Variants in KIF13A observed in about 807,000 individuals in gnomAD.
The protein encoded by KIF13A is kinesin family member 13A.
In KIF13A, 79 loss-of-function variants were observed where a neutral mutation model predicts 212.2. That is an observed-to-expected ratio of 0.37 (90% CI 0.31 to 0.45). The LOEUF (loss-of-function observed/expected upper bound fraction) is 0.45. Among genes scored for constraint, KIF13A ranks in the 20% least tolerant of loss-of-function variants. KIF13A has a pLI of 1.00. For missense variants in KIF13A, 1,901 were observed against 2,209.0 expected (o/e 0.86, Z 2.79); for synonymous variants, 789 against 808.6 (o/e 0.98, Z 0.41).
intron 2 of KIF13A, among the ~76,000 whole-genome samples, chr6:17,973,848 T>C (rs765184657): frequency 8.5e-5 from 13 of 152,114 alleles, no homozygotes; most frequent in African/African-American, 1.4e-4. Flanking sequence ...AATTGTCACA[T>C]CATTACAGGA....
intron 9 of KIF13A, among the ~76,000 whole-genome samples, chr6:17,841,857 A>AG (rs1766537663): frequency 6.6e-6 from 1 of 152,116 alleles, no homozygotes; most frequent in South Asian, 2.1e-4. Flanking sequence ...GCAATGATGC[A>AG]GGGGCTTCTG....
intron 2 of KIF13A, among the ~76,000 whole-genome samples, chr6:17,920,039 G>A (rs1290550769): frequency 6.6e-6 from 1 of 152,166 alleles, no homozygotes; most frequent in Non-Finnish European, 1.5e-5. Context: ...CAATGATTTA[G>A]GATTAAGCTT....
chr6:17,833,908 A>C, intron 12 of KIF13A, 53 bp downstream of exon 12: 1 of 958,100 alleles, frequency 1.0e-6, no homozygotes, highest in Non-Finnish European at 1.5e-6. Context: ...TACACAGAAA[A>C]GACAATAAGT....
intron 4 of KIF13A, among the ~76,000 whole-genome samples, chr6:17,865,118 G>A (rs911128805): frequency 6.6e-6 from 1 of 152,112 alleles, no homozygotes; most frequent in African/African-American, 2.4e-5. Flanking sequence ...AGACACCTAT[G>A]GCCCATGGCT....
At chr6:17,807,804 C>T (rs774580073) in intron 18 of KIF13A, among the ~76,000 whole-genome samples, 7 of 152,184 alleles carry the variant, frequency 4.6e-5, no homozygotes, top group Admixed American at 1.3e-4. Context: ...TCACCCCCGG[C>T]GGCCCAGCTG....
intron 2 of KIF13A, among the ~76,000 whole-genome samples, chr6:17,957,789 G>C (rs763737154): frequency 2.0e-4 from 30 of 152,156 alleles, no homozygotes; most frequent in Non-Finnish European, 4.0e-4. Context: ...TGAGAGCAGA[G>C]GGAAAACACA....
intron 3 of KIF13A, among the ~76,000 whole-genome samples, chr6:17,874,999 G>GTACACACACACACACACACACACACACA (rs1554188631): frequency 6.6e-4 from 80 of 120,328 alleles, no homozygotes; most frequent in African/African-American, 2.2e-3. Flanking sequence ...ACACGCACAC[G>GTACACACACACACACACACACACACACA]CACGCACACA....
chr6:17,791,929 C>T (rs1327884328), intron 25 of KIF13A, among the ~76,000 whole-genome samples: 16 of 138,918 alleles, frequency 1.2e-4, no homozygotes, highest in South Asian at 2.3e-4. Flanking sequence ...AAGTACTGAG[C>T]GCAGTGGCTC....
chr6:17,939,506 T>C (rs1776761224), intron 2 of KIF13A, among the ~76,000 whole-genome samples: 1 of 152,182 alleles, frequency 6.6e-6, no homozygotes, highest in Non-Finnish European at 1.5e-5. Flanking sequence ...TGATTCCTTC[T>C]TGAATGTAGC....
rs56400999 is a variant in KIF13A, at chr6:17,849,355, G to C, written c.830+22C>G. ...CCTCCAGAAGGAAATCACCCAGGCTGTTCTGGGACCAGCCACCTTACTTGT... is the reference window on the plus strand; with the variant it reads ...CCTCCAGAAGGAAATCACCCAGGCTCTTCTGGGACCAGCCACCTTACTTGT... On this transcript the variant is annotated intron_variant, in intron 9 of 38. Transcript: ENST00000259711. The surrounding 1 kb of genome is among the most constrained non-coding windows in gnomAD (Gnocchi z 5.7). The C allele has an allele frequency of 0.034, 53,528 of 1,552,604 alleles. 1,092 individuals are homozygous for C. Among genetic ancestry groups the C allele is most frequent in the Non-Finnish European group, 0.041 (46,587 of 1,127,866 alleles).
intron 25 of KIF13A, among the ~76,000 whole-genome samples, chr6:17,793,552 C>CA (rs1308332533): frequency 6.6e-6 from 1 of 151,526 alleles, no homozygotes; most frequent in Non-Finnish European, 1.5e-5. Flanking sequence ...CAAATTTTAA[C>CA]AAAAAAAGAA....
chr6:17,890,978 C>A (rs986157383), intron 3 of KIF13A, among the ~76,000 whole-genome samples: 1 of 151,956 alleles, frequency 6.6e-6, no homozygotes, highest in South Asian at 2.1e-4. Flanking sequence ...CTAATTTACA[C>A]CTATCTGCGA....
chr6:17,826,217 T>A lies in KIF13A; in HGVS notation c.1533-93A>T. ...AGAGATAACTAGGGGAGCTTTCTCTTAATAAATGCATTCCAACTAACGCTT... is the reference window on the plus strand; with the variant it reads ...AGAGATAACTAGGGGAGCTTTCTCTAAATAAATGCATTCCAACTAACGCTT... On this transcript the variant is annotated intron_variant, in intron 14 of 38. Transcript: ENST00000259711. The surrounding 1 kb of genome is among the most constrained non-coding windows in gnomAD (Gnocchi z 4.7). 2.3e-6 allele frequency: 2 copies of A among 857,940 alleles called. No individual in the cohort carries two copies. The highest frequency in any genetic ancestry group is 3.8e-6 in the Non-Finnish European group (2 of 522,986). 53.1% of individuals were successfully genotyped at this position (857,940 alleles called of 1,614,324 possible). A position where few individuals can be genotyped will look rare whatever the true frequency, so the allele number is the denominator to read the frequency against.
At chr6:17,980,556 G>C (rs867208264) in intron 2 of KIF13A, among the ~76,000 whole-genome samples, 42 of 152,104 alleles carry the variant, frequency 2.8e-4, no homozygotes, top group African/African-American at 9.9e-4. Flanking sequence ...TCTCTAAGAA[G>C]AGGAACTCTA....
In KIF13A at chr6:17,785,611, G is replaced by A; in HGVS notation, c.3392C>T (p.Ala1131Val). Residue 1131 changes from alanine (A) to valine (V), a missense_variant, in exon 28 of 39, where the codon GCC (alanine) becomes GTC (valine). By Grantham distance (64) the Ala-to-Val change is moderately conservative (BLOSUM62 0). Around this residue, in one of 5 missense-constraint regions of KIF13A, gnomAD observed 168 missense variants for 250.9 expected, o/e 0.67. Transcript: ENST00000259711. This position sits in a 1 kb window ranked among gnomAD's most constrained non-coding sequence, Gnocchi z 5.8. ...CCCTACCCACTGCTCCACAAGCTGGGCTTCCCGCTCCACATCGTCCTCTGT... is the reference window on the plus strand; with the variant it reads ...CCCTACCCACTGCTCCACAAGCTGGACTTCCCGCTCCACATCGTCCTCTGT... ...EKTEDDVERE[A>V]QLVEQWVGLT... is the part of the protein sequence containing the mutation. 1 of 1,606,334 alleles carries A rather than the reference G, an allele frequency of 6.2e-7. No homozygotes were observed. The highest frequency in any genetic ancestry group is 1.1e-5 in the South Asian group (1 of 89,064).
Position 17,849,086 on chromosome 6 carries a change from A to T in KIF13A, c.830+291T>A, listed in dbSNP as rs1767378198. The stretch of plus-strand genomic sequence containing the variant: ...GTGTGCGTGACCGTGCCTTTTTAGT[A>T]GAGATGGGGTTTTGCCATGTTGGCC... On this transcript the variant is annotated intron_variant, in intron 9 of 38. Transcript: ENST00000259711. The surrounding 1 kb of genome is among the most constrained non-coding windows in gnomAD (Gnocchi z 5.7). Among the ~76,000 whole-genome samples, 1 of 152,088 alleles carries T rather than the reference A, an allele frequency of 6.6e-6. No homozygotes were observed. The highest frequency in any genetic ancestry group is 1.5e-5 in the Non-Finnish European group (1 of 68,008).
intron 3 of KIF13A, among the ~76,000 whole-genome samples, chr6:17,874,528 C>T (rs531072198): frequency 6.3e-4 from 95 of 151,974 alleles, no homozygotes; most frequent in Non-Finnish European, 1.0e-3. Flanking sequence ...CTCTGCCTCC[C>T]GGGCTCAAGT....
intron 2 of KIF13A, among the ~76,000 whole-genome samples, chr6:17,923,778 C>T (rs1257180605): frequency 6.6e-6 from 1 of 152,204 alleles, no homozygotes; most frequent in Non-Finnish European, 1.5e-5. Flanking sequence ...TCTTCAATCA[C>T]CTTTTCACCA....
rs1764861574 is a variant in KIF13A at position 17,825,212 on chromosome 6, CTTTTA to C, written c.1786+551_1786+555del. On this transcript the variant is annotated intron_variant, in intron 16 of 38. Transcript: ENST00000259711. This position sits in a 1 kb window ranked among gnomAD's most constrained non-coding sequence, Gnocchi z 4.5. ...GAAAGAAAAGGTAAAGGAACACGGACTTTTAGATGTGAAACTTGGTATAAGTCAAA... is the reference window on the plus strand; with the variant it reads ...GAAAGAAAAGGTAAAGGAACACGGACGATGTGAAACTTGGTATAAGTCAAA... Among the ~76,000 whole-genome samples the C allele has an allele frequency of 6.6e-6, 1 of 152,150 alleles. No homozygotes were observed. Among genetic ancestry groups the C allele is most frequent in the Non-Finnish European group, 1.5e-5 (1 of 68,028 alleles).
Sources: allele counts gnomAD v4.1 joint callset (sites outside exome capture counted in the v4.1 genomes callset), GRCh38; gene constraint gnomAD v4.1.1; regional missense constraint gnomAD v4.1.1; non-coding constraint Gnocchi (gnomAD v3.1); transcripts MANE v1.5; gene names NCBI Gene and HGNC (gene_info 2026-07-23, HGNC 2026-07-21).